NAV2: variants seen among roughly 807,000 people sequenced by gnomAD.
NAV2 encodes the protein helicase, APC down-regulated 1.
NAV2 carries 54 observed loss-of-function variants against 223.2 expected under a neutral mutation model. That is an observed-to-expected ratio of 0.24 (90% CI 0.19 to 0.30). The LOEUF (loss-of-function observed/expected upper bound fraction) is 0.30, where lower values mean the gene tolerates loss of function less well. NAV2 is among the 10% of genes least tolerant of loss of function. The pLI, the probability that NAV2 is intolerant of heterozygous loss-of-function variation, is 1.00. For synonymous variants in NAV2, 1,279 were observed against 1,239.3 expected (o/e 1.03, Z -0.67); for missense variants, 2,806 against 3,147.5 (o/e 0.89, Z 2.60).
intron 1 of NAV2, among the ~76,000 whole-genome samples, chr11:19,480,007 A>G (rs147468799): frequency 1.5e-4 from 23 of 152,254 alleles, no homozygotes; most frequent in African/African-American, 2.4e-5. Flanking sequence ...TCCCTTTCAT[A>G]TACATATTGT....
intron 1 of NAV2, among the ~76,000 whole-genome samples, chr11:19,797,741 G>A (rs1324603395): frequency 6.6e-6 from 1 of 152,086 alleles, no homozygotes; most frequent in Non-Finnish European, 1.5e-5. Flanking sequence ...ACTCTGTGTG[G>A]GGAGCTTATA....
Position 19,502,518 on chromosome 11 carries a change from G to A in NAV2, c.75+151491G>A, listed in dbSNP as rs535448722. On this transcript the variant is annotated intron_variant, in intron 1 of 37. Transcript: ENST00000360655. ...AGATGAAGCAGAAAAATGGGGCTAA[G>A]AATAAGAAGTCTTGGAGTCCAGCCT... Among the ~76,000 whole-genome samples the A allele has an allele frequency of 4.6e-5, 7 of 152,300 alleles. 1 individual carries two copies. In the South Asian group the frequency reaches 1.5e-3, roughly 32 times the overall value.
At chr11:19,761,083 C>T (rs922816158) in intron 1 of NAV2, among the ~76,000 whole-genome samples, 1 of 152,154 alleles carries the variant, frequency 6.6e-6, no homozygotes, top group African/African-American at 2.4e-5. Flanking sequence ...TCTGAAACAG[C>T]TGGTGGGGAA....
chr11:20,003,679 T>C (rs78222997), intron 11 of NAV2, among the ~76,000 whole-genome samples: 8,790 of 152,182 alleles, frequency 0.058, 431 homozygotes, highest in Admixed American at 0.086. Flanking sequence ...CTGGACCCTA[T>C]TGGTGGGAAA....
chr11:19,750,756 G>C (rs1029413465), intron 1 of NAV2, among the ~76,000 whole-genome samples: 2 of 152,188 alleles, frequency 1.3e-5, no homozygotes, highest in African/African-American at 2.4e-5. Flanking sequence ...AGGGTCCCAG[G>C]CTCCTCTTGG....
At chr11:19,596,736 A>G (rs1456307885) in intron 1 of NAV2, among the ~76,000 whole-genome samples, 1 of 152,238 alleles carries the variant, frequency 6.6e-6, no homozygotes, top group Non-Finnish European at 1.5e-5. Flanking sequence ...CCATGCTCAG[A>G]CAATGAGTTT....
chr11:19,842,029 C>T (rs1454144864), intron 2 of NAV2, among the ~76,000 whole-genome samples: 3 of 152,144 alleles, frequency 2.0e-5, no homozygotes, highest in Non-Finnish European at 4.4e-5. Context: ...CTGGAATTCA[C>T]GCTAACGTAT....
chr11:20,002,362 A>C (rs2052629902), intron 11 of NAV2, among the ~76,000 whole-genome samples: 1 of 152,088 alleles, frequency 6.6e-6, no homozygotes, highest in Non-Finnish European at 1.5e-5. Context: ...AGCCTTTTTC[A>C]AAGATCCCAA....
chr11:19,775,559 G>A (rs1209432461), intron 1 of NAV2, among the ~76,000 whole-genome samples: 1 of 152,200 alleles, frequency 6.6e-6, no homozygotes, highest in Non-Finnish European at 1.5e-5. Flanking sequence ...AAACAGACAA[G>A]GTTGTTGGAA....
At chr11:19,935,851 G>GTTTTTTTTTTTTGTTTTTTT (rs1555156775) in intron 7 of NAV2, among the ~76,000 whole-genome samples, 12 of 52,704 alleles carry the variant, frequency 2.3e-4, no homozygotes, top group South Asian at 1.9e-3. Flanking sequence ...TTTTGTTTCT[G>GTTTTTTTTTTTTGTTTTTTT]TTTTTTTTTT....
chr11:19,368,645 T>G (rs914884598), intron 1 of NAV2, among the ~76,000 whole-genome samples: 11 of 152,340 alleles, frequency 7.2e-5, no homozygotes, highest in Admixed American at 5.9e-4. Flanking sequence ...GGGTACTTAT[T>G]ATATATCAGG....
rs773593243 is a variant in NAV2, at chr11:20,119,793, T to G, written c.*1535T>G. 3.3e-5 allele frequency: 5 copies of G among 152,512 alleles called. No homozygotes were observed. The highest frequency in any genetic ancestry group is 4.8e-5 in the African/African-American group (2 of 41,370). The allele number at this position is 152,512 out of a possible 1,614,324, so 9.4% of individuals were successfully genotyped here. A position where few individuals can be genotyped will look rare whatever the true frequency, so the allele number is the denominator to read the frequency against. Reference sequence around the variant, plus strand: ...GACTTTTCTCATCCAAAAGACTCATTTGTGTGGATGCGTGACCATGGGAAA... The same window carrying G: ...GACTTTTCTCATCCAAAAGACTCATGTGTGTGGATGCGTGACCATGGGAAA... On this transcript the variant is annotated 3_prime_UTR_variant, in exon 38 of 38. Coordinates refer to ENST00000349880, the MANE Select transcript of NAV2 (RefSeq NM_145117.5).
chr11:19,397,418 T>TGTGTGCGC (rs57566081), intron 1 of NAV2, among the ~76,000 whole-genome samples: 2 of 145,264 alleles, frequency 1.4e-5, no homozygotes, highest in African/African-American at 5.2e-5. Context: ...TGTGTGTGTG[T>TGTGTGCGC]GCGCGCATGT....
chr11:19,609,217 G>T (rs1368632917), intron 1 of NAV2, among the ~76,000 whole-genome samples: 1 of 152,162 alleles, frequency 6.6e-6, no homozygotes, highest in African/African-American at 2.4e-5. Context: ...ATAACACTGT[G>T]AGCTGTGTTA....
chr11:19,680,912 G>A (rs2048864805), intron 1 of NAV2, among the ~76,000 whole-genome samples: 1 of 152,196 alleles, frequency 6.6e-6, no homozygotes, highest in East Asian at 1.9e-4. Context: ...CATGCTTTAG[G>A]AATTTATTTC....
At chr11:19,376,929 A>T (rs754856550) in intron 1 of NAV2, among the ~76,000 whole-genome samples, 4 of 152,186 alleles carry the variant, frequency 2.6e-5, no homozygotes, top group Non-Finnish European at 4.4e-5. Flanking sequence ...GGCCACTTCT[A>T]TGTCACTTTT....
intron 1 of NAV2, chr11:19,778,043 G>A (rs567406061): frequency 4.0e-4 from 180 of 451,548 alleles, no homozygotes; most frequent in African/African-American, 3.3e-3. Context: ...TCTCTTTCAA[G>A]CTTGCAAAGA....
chr11:19,978,618 CTGTT>C (rs2050015085), intron 10 of NAV2: 1 of 137,064 alleles, frequency 7.3e-6, no homozygotes, highest in Admixed American at 7.3e-5. Context: ...GATTTGTTTT[CTGTT>C]TGTTCTTTCA....
chr11:19,984,199 G>A lies in NAV2; in HGVS notation c.2720G>A (p.Arg907Gln), dbSNP rs1289329606. Residue 907 changes from arginine to glutamine, a missense_variant, in exon 11 of 38, where the codon CGG (arginine) becomes CAG (glutamine). Physicochemically the swap from Arg to Gln is conservative, Grantham distance 43. Coordinates refer to ENST00000349880, the MANE Select transcript of NAV2 (RefSeq NM_145117.5). ...CTCCCTGATGGGATGGCTGTGGTAC[G>A]GGAGACCCTGCAACGAAATACCTCC... ...NRLPDGMAVV[R>Q]ETLQRNTSLG... 7 of 1,614,062 alleles carry A rather than the reference G, an allele frequency of 4.3e-6. No homozygotes were observed. The highest frequency in any genetic ancestry group is 1.6e-4 in the Middle Eastern group (1 of 6,084).
Sources: gnomAD v4.1 joint callset for allele counts (sites outside exome capture counted in the v4.1 genomes callset) on GRCh38, gnomAD v4.1.1 for gene constraint, MANE v1.5 for transcripts, NCBI Gene and HGNC (gene_info 2026-07-23, HGNC 2026-07-21) for gene names.